The following ABCA3 variants were observed in gnomAD, a reference collection of about 807,000 sequenced individuals.
The protein encoded by ABCA3 is phospholipid-transporting ATPase ABCA3.
ABCA3 carries 88 observed loss-of-function variants against 172.8 expected under a neutral mutation model. That is an observed-to-expected ratio of 0.51 (90% confidence interval 0.43 to 0.61). The LOEUF (loss-of-function observed/expected upper bound fraction) is 0.61. Ranked by LOEUF, ABCA3 falls within the 20% of genes least tolerant of loss-of-function variation. ABCA3 has a pLI of 0.00. For synonymous variants in ABCA3, 1,066 were observed against 983.8 expected (o/e 1.08, Z -1.56); for missense variants, 2,164 against 2,301.0 (o/e 0.94, Z 1.22).
Position 2,284,460 on chromosome 16 carries a change from G to C in ABCA3, c.3704-23C>G. 6.2e-7 allele frequency: 1 copy of C among 1,613,336 alleles called. No individual in the cohort carries two copies. Among genetic ancestry groups the C allele is most frequent in the Non-Finnish European group, 8.5e-7 (1 of 1,179,966 alleles). On this transcript the variant is annotated intron_variant, in intron 24 of 32. Coordinates refer to ENST00000301732, the MANE Select transcript of ABCA3 (RefSeq NM_001089.3). This position sits in a 1 kb window ranked among gnomAD's most constrained non-coding sequence, Gnocchi z 5.9. ...CAGCTGCGTTGGGGAGGTAAGATCA[G>C]TCTGCGCTGGAGGGCACACCACACC...
At chr16:2,324,570 G>T in intron 5 of ABCA3, 39 bp from the exon 6 acceptor site, 1 of 1,604,384 alleles carries the variant, frequency 6.2e-7, no homozygotes, top group South Asian at 1.1e-5. Context: ...TTGCCCAATC[G>T]GCCCTCCTGC....
chr16:2,307,515 C>A (rs930144943), intron 11 of ABCA3, among the ~76,000 whole-genome samples: 1 of 151,970 alleles, frequency 6.6e-6, no homozygotes, highest in African/African-American at 2.4e-5. Flanking sequence ...GATCGCACCA[C>A]TGCACTCAAA....
In ABCA3 at chr16:2,283,561, T is replaced by C. The variant is rs112191293; in HGVS notation, c.3863-203A>G. ...AGGGGCCAGGCACGTAACAATCCAA[T>C]GCAGTCCCATGAGCGACATGGCAGA... On this transcript the variant is annotated intron_variant, in intron 25 of 32. Transcript: ENST00000301732. This position sits in a 1 kb window ranked among gnomAD's most constrained non-coding sequence, Gnocchi z 5.4. 6.7e-6 allele frequency: 4 copies of C among 595,944 alleles called. No individual in the cohort carries two copies. The highest frequency in any genetic ancestry group is 2.0e-5 in the South Asian group (1 of 50,532). 36.9% of individuals were successfully genotyped at this position (595,944 alleles called of 1,614,324 possible).
chr16:2,326,880 C>T lies in ABCA3; in HGVS notation c.-26-388G>A, dbSNP rs193137430. Among the ~76,000 whole-genome samples the T allele has an allele frequency of 5.5e-3, 831 of 152,178 alleles. 3 individuals are homozygous for T. The highest frequency in any genetic ancestry group is 0.018 in the African/African-American group (756 of 41,512). On this transcript the variant is annotated intron_variant, in intron 3 of 32. Transcript: ENST00000301732. ...GCAGGCGCCTGTAATCCCAGCTACT[C>T]GAGAGGCTGAGGCAGGAGAATCGCT... is the stretch of plus-strand genomic sequence containing the variant.
intron 1 of ABCA3, among the ~76,000 whole-genome samples, chr16:2,340,369 C>A (rs2093758864): frequency 6.6e-6 from 1 of 151,736 alleles, no homozygotes; most frequent in African/African-American, 2.4e-5. Context: ...GCAGGGAGCG[C>A]CCGGAGCCGA....
chr16:2,319,849 G>A lies in ABCA3; in HGVS notation c.614-9C>T, dbSNP rs45459699. 7.0e-4 allele frequency: 1,123 copies of A among 1,613,234 alleles called. 4 individuals carry two copies. The African/African-American group carries it at 0.013, about 18-fold the overall frequency. On this transcript the variant is annotated splice_polypyrimidine_tract_variant and intron_variant, in intron 7 of 32. Coordinates refer to ENST00000301732, the MANE Select transcript of ABCA3 (RefSeq NM_001089.3). Reference sequence around the variant, plus strand: ...GCCTTCCCGGATGTACCCTGGGTGCGGGAGCAGAGGATGGCCCAGCCACCT... The same window carrying A: ...GCCTTCCCGGATGTACCCTGGGTGCAGGAGCAGAGGATGGCCCAGCCACCT...
chr16:2,319,471 C>A lies in ABCA3; in HGVS notation c.873+110G>T, dbSNP rs184755739. On this transcript the variant is annotated intron_variant, in intron 8 of 32. Transcript: ENST00000301732. The stretch of plus-strand genomic sequence containing the variant: ...CTGCACTCCAGCCTGGGCGACAGAG[C>A]GAGACTCCAACTCAAAAAAAAAAAA... 1,710 of 1,395,504 alleles carry A rather than the reference C, an allele frequency of 1.2e-3. 21 individuals carry two copies. In the African/African-American group the frequency reaches 0.023, roughly 18 times the overall value. 86.4% of individuals were successfully genotyped at this position (1,395,504 alleles called of 1,614,324 possible).
Position 2,308,434 on chromosome 16 carries a change from CA to C in ABCA3, c.1285+15del. ...ACTGATTCGGAAAGAACAGGCTGGA[CA>C]AGGCAAACACTCACCTTTCGCCTCA... On this transcript the variant is annotated intron_variant, in intron 11 of 32. Coordinates refer to ENST00000301732, the MANE Select transcript of ABCA3 (RefSeq NM_001089.3). 2.5e-6 allele frequency: 4 copies of C among 1,614,024 alleles called. No homozygotes were observed. In the African/African-American group the frequency reaches 5.3e-5, roughly 22 times the overall value.
rs770790607 is a variant in ABCA3 at position 2,324,526 on chromosome 16, C to T, written c.325G>A (p.Gly109Ser). 47 of 1,609,560 alleles carry T rather than the reference C, an allele frequency of 2.9e-5. No homozygotes were observed. Among genetic ancestry groups the T allele is most frequent in the Admixed American group, 8.3e-5 (5 of 59,998 alleles). Residue 109 changes from glycine (G) to serine (S), a missense_variant, in exon 6 of 33, where the codon GGC becomes AGC. Physicochemically the swap from Gly to Ser is moderately conservative, Grantham distance 56 (BLOSUM62 0). This residue lies in a region of ABCA3 where 1,343 missense variants were observed against 1,369.6 expected (regional missense o/e 0.98). Transcript: ENST00000301732. Reference protein sequence around the residue: ...RALVINMRVRGFPSEKDFEDY... With the variant: ...RALVINMRVRSFPSEKDFEDY... ...TCAAAGTCCTTCTCGGAGGGAAAGC[C>T]GCGCACTGCAAAGAGAGAGCACGGG...
At chr16:2,321,968 G>A (rs1236607603) in intron 7 of ABCA3, among the ~76,000 whole-genome samples, 1 of 152,132 alleles carries the variant, frequency 6.6e-6, no homozygotes, top group Non-Finnish European at 1.5e-5. Context: ...GGGAAGCCGA[G>A]GTGGGTGAAT....
At position 2,308,619 on chromosome 16, in the gene ABCA3, G is replaced by A. The variant is rs745417413; in HGVS notation, c.1116C>T (p.Asn372=). 5 of 1,614,004 alleles carry A rather than the reference G, an allele frequency of 3.1e-6. No individual in the cohort carries two copies. In the South Asian group the frequency reaches 5.5e-5, roughly 18 times the overall value. Residue 372 remains asparagine, a synonymous_variant, in exon 11 of 33, where the codon AAC becomes AAT. Transcript: ENST00000301732. ...GGAAGCCTCCGAAGGCTGCTGCCAT[G>A]TTGGCTGCAGGTGTTGGAAGACCCG... is the stretch of plus-strand genomic sequence containing the variant. ...FMVSTFFSKA[N]MAAAFGGFLY... is the part of the protein sequence containing the mutation.
rs201051125 is a variant in ABCA3, at chr16:2,283,288, G to T, written c.3933C>A (p.Ala1311=). 3.1e-6 allele frequency: 5 copies of T among 1,613,168 alleles called. No individual in the cohort carries two copies. The African/African-American group carries it at 6.7e-5, about 22-fold the overall frequency. The change falls in exon 26 of 33, where the codon GCC becomes GCA. Residue 1311 remains alanine, a synonymous_variant. Coordinates refer to ENST00000301732, the MANE Select transcript of ABCA3 (RefSeq NM_001089.3). The surrounding 1 kb of genome is among the most constrained non-coding windows in gnomAD (Gnocchi z 5.4). ...GGATGAGGTAGGCGCACCCTGAGGC[G>T]GCCATGGAGGCCACAAACCGGCCGA... ...PGVGRFVASM[A]ASGCAYLILL...
Position 2,297,042 on chromosome 16 carries a change from C to T in ABCA3, c.2263+287G>A, listed in dbSNP as rs970545807. On this transcript the variant is annotated intron_variant, in intron 17 of 32. Coordinates refer to ENST00000301732, the MANE Select transcript of ABCA3 (RefSeq NM_001089.3). The surrounding 1 kb of genome is among the most constrained non-coding windows in gnomAD (Gnocchi z 5.6). Reference sequence around the variant, plus strand: ...GCTGCCATGTTGGTGCGTGTGTTGGCCTCTCCAAGGGCAGTGCTGCTCCTA... The same window carrying T: ...GCTGCCATGTTGGTGCGTGTGTTGGTCTCTCCAAGGGCAGTGCTGCTCCTA... 7.2e-5 allele frequency among the ~76,000 whole-genome samples: 11 copies of T among 152,224 alleles called. No individual in the cohort carries two copies. Among genetic ancestry groups the T allele is most frequent in the African/African-American group, 2.7e-4 (11 of 41,458 alleles).
intron 10 of ABCA3, among the ~76,000 whole-genome samples, chr16:2,313,588 T>TA (rs1331667604): frequency 7.3e-6 from 1 of 137,348 alleles, no homozygotes; most frequent in East Asian, 2.1e-4. Context: ...AAGGGGGTTG[T>TA]AAAAGTATAG....
At chr16:2,313,392 T>TA (rs1245633067) in intron 10 of ABCA3, among the ~76,000 whole-genome samples, 1 of 147,718 alleles carries the variant, frequency 6.8e-6, no homozygotes, top group East Asian at 2.1e-4. Context: ...CCGTTTCTAC[T>TA]AAAAATACAA....
intron 10 of ABCA3, among the ~76,000 whole-genome samples, chr16:2,315,676 T>C (rs1237638018): frequency 6.6e-6 from 1 of 151,910 alleles, no homozygotes; most frequent in East Asian, 1.9e-4. Context: ...ATTTTTTTTC[T>C]TTTTTTGAGA....
chr16:2,317,240 T>C (rs377311781), intron 10 of ABCA3, 43 bp downstream of exon 10: 229 of 1,612,318 alleles, frequency 1.4e-4, no homozygotes, highest in Admixed American at 1.2e-3. Context: ...AGATGGCCCT[T>C]GGCCCCTTGG....
In ABCA3 at chr16:2,283,387, G is replaced by A. The variant is rs748955506; in HGVS notation, c.3863-29C>T. 6.7e-5 allele frequency: 108 copies of A among 1,606,516 alleles called. No individual in the cohort carries two copies. The Middle Eastern group carries it at 1.2e-3, about 17-fold the overall frequency. On this transcript the variant is annotated intron_variant, in intron 25 of 32. Coordinates refer to ENST00000301732, the MANE Select transcript of ABCA3 (RefSeq NM_001089.3). The surrounding 1 kb of genome is among the most constrained non-coding windows in gnomAD (Gnocchi z 5.4). ...TGGGGCGAGGGAGTCACTGTGCCCC[G>A]AGGCCTGGGGCACCCTCCTCCCCTT...
Position 2,303,821 on chromosome 16 carries a change from G to A in ABCA3, c.1467+148C>T, listed in dbSNP as rs907584341. 1.5e-5 allele frequency: 13 copies of A among 880,324 alleles called. No individual in the cohort carries two copies. The East Asian group carries it at 1.9e-4, about 13-fold the overall frequency. 54.5% of individuals were successfully genotyped at this position (880,324 alleles called of 1,614,324 possible). A position where few individuals can be genotyped will look rare whatever the true frequency, so the allele number is the denominator to read the frequency against. On this transcript the variant is annotated intron_variant, in intron 12 of 32. Transcript: ENST00000301732. The stretch of plus-strand genomic sequence containing the variant: ...AGTCCCAAGGGCCCTCGGGGGACAC[G>A]CCACTCCCTGTGCACAGGGCAGGGT...
Sources: allele counts gnomAD v4.1 joint callset (sites outside exome capture counted in the v4.1 genomes callset), GRCh38; gene constraint gnomAD v4.1.1; regional missense constraint gnomAD v4.1.1; non-coding constraint Gnocchi (gnomAD v3.1); transcripts MANE v1.5; gene names NCBI Gene and HGNC (gene_info 2026-07-23, HGNC 2026-07-21).